The following TOP2A variants were observed in gnomAD, a reference collection of about 807,000 sequenced individuals.
TOP2A encodes DNA topoisomerase 2-alpha.
A neutral mutation model predicts 187.2 loss-of-function variants in TOP2A; 68 were observed. The ratio of observed to expected loss-of-function variants is 0.36; its 90% CI spans 0.30 to 0.44. The LOEUF is 0.44. Ranked by LOEUF, TOP2A falls within the 20% of genes least tolerant of loss-of-function variation. The pLI, the probability that TOP2A is intolerant of heterozygous loss-of-function variation, is 1.00. For synonymous variants in TOP2A, 542 were observed against 593.2 expected, an observed-to-expected ratio of 0.91 and a Z score of 1.25; for missense variants, 1,196 against 1,808.7, an observed-to-expected ratio of 0.66 and a Z score of 6.14.
chr17:40,404,832 T>C lies in TOP2A; in HGVS notation c.2005A>G (p.Met669Val). The change falls in exon 17 of 35, where the codon ATG (methionine) becomes GTG (valine). Residue 669 changes from methionine to valine, a missense_variant. This residue lies in a region of TOP2A where 209 missense variants were observed against 376.9 expected (regional missense o/e 0.55). Transcript: ENST00000423485. ...AACTTTCGTTGTCTTCTATCCTCCA[T>C]GAAATTAGTTAACCATTCCTTTCGA... The part of the protein sequence containing the change: ...DDRKEWLTNF[M>V]EDRRQRKLLG... 6.2e-7 allele frequency: 1 copy of C among 1,604,414 alleles called. No homozygotes were observed. Among genetic ancestry groups the C allele is most frequent in the Non-Finnish European group, 8.5e-7 (1 of 1,174,744 alleles).
rs1248933709 is a variant in TOP2A at position 40,389,494 on chromosome 17, T to C, written c.*25A>G. 7.0e-6 allele frequency: 11 copies of C among 1,568,380 alleles called. 1 individual carries two copies. In the South Asian group the frequency reaches 1.3e-4, roughly 18 times the overall value. ...ACCAGTCTTGGGCTTGGTAAGATAA[T>C]TACTTAAAATAATCGCCTCACATTT... On this transcript the variant is annotated 3_prime_UTR_variant, in exon 35 of 35. Transcript: ENST00000423485.
At position 40,411,470 on chromosome 17, in the gene TOP2A, T is replaced by A; in HGVS notation, c.964-15A>T. 1 of 1,608,780 alleles carries A rather than the reference T, an allele frequency of 6.2e-7. No homozygotes were observed. Among genetic ancestry groups the A allele is most frequent in the South Asian group, 1.1e-5 (1 of 90,974 alleles). Reference sequence around the variant, plus strand: ...TGTCTGCCACCCTAATAAGGAAAAATACCAAACTGTAAAACTCAGTATCCT... The same window carrying A: ...TGTCTGCCACCCTAATAAGGAAAAAAACCAAACTGTAAAACTCAGTATCCT... On this transcript the variant is annotated splice_polypyrimidine_tract_variant and intron_variant, in intron 8 of 34. Coordinates refer to ENST00000423485, the MANE Select transcript of TOP2A (RefSeq NM_001067.4). This position sits in a 1 kb window ranked among gnomAD's most constrained non-coding sequence, Gnocchi z 4.4.
chr17:40,390,523 T>C (rs775703176), intron 33 of TOP2A, among the ~76,000 whole-genome samples: 12 of 151,902 alleles, frequency 7.9e-5, no homozygotes, highest in Non-Finnish European at 1.3e-4. Context: ...ATTGTTCTCA[T>C]TGCGAACTTT....
chr17:40,409,649 C>A, intron 10 of TOP2A: 1 of 249,438 alleles, frequency 4.0e-6, no homozygotes, highest in Non-Finnish European at 8.0e-6. Flanking sequence ...ATCCCCGCTA[C>A]TCAGGAGGCT....
At chr17:40,395,306 A>AAAG in intron 29 of TOP2A, 143 bp downstream of exon 29, 1 of 253,892 alleles carries the variant, frequency 3.9e-6, no homozygotes, top group South Asian at 4.8e-5. Context: ...AAAAAAAAAG[A>AAAG]GGTCCAAGTA....
At position 40,410,395 on chromosome 17, in the gene TOP2A, G is replaced by A. The variant is rs192659154; in HGVS notation, c.1203+714C>T. The stretch of plus-strand genomic sequence containing the variant: ...ACTGAGATGAGTTGGAGAAGTAGGT[G>A]TAATTAGATTACAGCAGATCTTTCT... On this transcript the variant is annotated intron_variant, in intron 10 of 34. Coordinates refer to ENST00000423485, the MANE Select transcript of TOP2A (RefSeq NM_001067.4). 3.9e-3 allele frequency among the ~76,000 whole-genome samples: 596 copies of A among 152,316 alleles called. 5 individuals carry two copies. Among genetic ancestry groups the A allele is most frequent in the Non-Finnish European group, 6.2e-3 (422 of 68,032 alleles).
chr17:40,415,955 A>T, intron 4 of TOP2A, 50 bp downstream of exon 4: 1 of 1,254,434 alleles, frequency 8.0e-7, no homozygotes, highest in Non-Finnish European at 1.1e-6. Context: ...AAATACATGC[A>T]GCTAACAATA....
chr17:40,391,439 T>C, intron 33 of TOP2A, 67 bp downstream of exon 33: 3 of 1,462,454 alleles, frequency 2.1e-6, no homozygotes, highest in Non-Finnish European at 2.7e-6. Flanking sequence ...ATAAAAAAAT[T>C]GAAATAGACA....
intron 20 of TOP2A, among the ~76,000 whole-genome samples, chr17:40,402,508 G>A (rs150994560): frequency 2.6e-5 from 4 of 152,238 alleles, no homozygotes; most frequent in African/African-American, 4.8e-5. Context: ...CAGTCATAGA[G>A]GCCAAATAAA....
rs1686889513 is a variant in TOP2A, at chr17:40,391,575, G to A, written c.4198C>T (p.Pro1400Ser). 1.9e-6 allele frequency: 3 copies of A among 1,612,810 alleles called. No homozygotes were observed. Among genetic ancestry groups the A allele is most frequent in the Non-Finnish European group, 2.5e-6 (3 of 1,179,362 alleles). ...LSSSPPATHF[P>S]DETEITNPVP... ...GGGTTTGTAATTTCAGTTTCATCTG[G>A]GAAATGTGTAGCAGGAGGGCTTGAA... is the stretch of plus-strand genomic sequence containing the variant. The change falls in exon 33 of 35, where the codon CCA becomes TCA. Residue 1400 changes from proline (P) to serine (S), a missense_variant. Coordinates refer to ENST00000423485, the MANE Select transcript of TOP2A (RefSeq NM_001067.4).
At chr17:40,391,300 G>A in intron 33 of TOP2A, 1 of 516,616 alleles carries the variant, frequency 1.9e-6, no homozygotes, top group Non-Finnish European at 3.3e-6. Context: ...ATCTGTAACT[G>A]AACAATCAAT....
chr17:40,409,828 C>T (rs1295838075), intron 10 of TOP2A: 1 of 160,948 alleles, frequency 6.2e-6, no homozygotes, highest in South Asian at 1.5e-4. Flanking sequence ...GGCTGTAATC[C>T]CAACACTTTG....
chr17:40,413,717 T>C, intron 4 of TOP2A, 92 bp from the exon 5 acceptor site: 4 of 693,290 alleles, frequency 5.8e-6, no homozygotes, highest in Non-Finnish European at 8.7e-6. Flanking sequence ...TTCTAAAATA[T>C]GTATATTCAG....
chr17:40,413,127 T>C (rs1322633872), intron 6 of TOP2A, 68 bp downstream of exon 6: 1 of 1,330,994 alleles, frequency 7.5e-7, no homozygotes, highest in East Asian at 2.5e-5. Flanking sequence ...AAACCAATCA[T>C]TAATGCCATT....
intron 10 of TOP2A, chr17:40,410,715 G>C: frequency 2.3e-6 from 1 of 438,150 alleles, no homozygotes; most frequent in South Asian, 1.7e-5. Flanking sequence ...GTTGGTTGGG[G>C]CTTTTTACTA....
intron 16 of TOP2A, among the ~76,000 whole-genome samples, chr17:40,405,463 T>C (rs1251998793): frequency 6.7e-6 from 1 of 148,512 alleles, no homozygotes; most frequent in Non-Finnish European, 1.5e-5. Context: ...TTTTGTTTTT[T>C]TTTTTTTTTG....
chr17:40,404,083 C>A (rs2035211813), intron 19 of TOP2A, 69 bp downstream of exon 19: 2 of 1,566,240 alleles, frequency 1.3e-6, no homozygotes, highest in Non-Finnish European at 1.7e-6. Context: ...TTCACCAAAT[C>A]TGTTTTGAGA....
chr17:40,399,851 G>C (rs756669721), intron 24 of TOP2A, 21 bp downstream of exon 24: 8 of 1,568,436 alleles, frequency 5.1e-6, no homozygotes, highest in Non-Finnish European at 6.9e-6. Flanking sequence ...TTAGTAAGCA[G>C]TTATTATTCC....
intron 29 of TOP2A, among the ~76,000 whole-genome samples, chr17:40,394,351 G>A (rs1567781730): frequency 6.6e-6 from 1 of 152,058 alleles, no homozygotes; most frequent in Non-Finnish European, 1.5e-5. Flanking sequence ...TTTTATTTTT[G>A]AGTTGGAGTC....
Sources: allele counts gnomAD v4.1 joint callset (sites outside exome capture counted in the v4.1 genomes callset), GRCh38; gene constraint gnomAD v4.1.1; regional missense constraint gnomAD v4.1.1; non-coding constraint Gnocchi (gnomAD v3.1); transcripts MANE v1.5; gene names NCBI Gene and HGNC (gene_info 2026-07-23, HGNC 2026-07-21).